The following RAP1GDS1 variants were observed in gnomAD, a reference collection of about 807,000 sequenced individuals.
RAP1GDS1 encodes RAP1, GTP-GDP dissociation stimulator 1.
RAP1GDS1 carries 35 observed loss-of-function variants against 71.1 expected under a neutral mutation model. That is an observed-to-expected ratio of 0.49 (90% confidence interval 0.38 to 0.65). The LOEUF is 0.65. RAP1GDS1 is among the 30% of genes least tolerant of loss of function. RAP1GDS1 has a pLI of 0.00. For missense variants in RAP1GDS1, 663 were observed against 706.1 expected (o/e 0.94, Z 0.69); for synonymous variants, 229 against 243.1 (o/e 0.94, Z 0.54).
At chr4:98,382,593 T>C (rs1742172458) in intron 5 of RAP1GDS1, among the ~76,000 whole-genome samples, 1 of 151,636 alleles carries the variant, frequency 6.6e-6, no homozygotes, top group Admixed American at 6.6e-5. Flanking sequence ...CATTAGTTTG[T>C]TATCTGTTTC....
intron 2 of RAP1GDS1, among the ~76,000 whole-genome samples, chr4:98,301,594 C>T (rs1728594385): frequency 6.6e-6 from 1 of 152,090 alleles, no homozygotes; most frequent in Non-Finnish European, 1.5e-5. Flanking sequence ...GAGACCACTG[C>T]AGGGAGAGTT....
chr4:98,274,435 TG>T (rs1352334441), intron 1 of RAP1GDS1, among the ~76,000 whole-genome samples: 1 of 152,200 alleles, frequency 6.6e-6, no homozygotes. Context: ...GATAAATTAA[TG>T]TTTTCCCTAC....
chr4:98,420,001 GTCTC>G lies in RAP1GDS1; in HGVS notation c.1175-14_1175-11del, dbSNP rs755900828. ...GAATGCTAATACCATTTTAACCATAGTCTCTCTTTTTCTCCAGTTATAAATAAAG... is the reference window on the plus strand; with the variant it reads ...GAATGCTAATACCATTTTAACCATAGTCTTTTTCTCCAGTTATAAATAAAG... On this transcript the variant is annotated splice_polypyrimidine_tract_variant and intron_variant, in intron 10 of 14. Transcript: ENST00000408927. 6.3e-7 allele frequency: 1 copy of G among 1,578,022 alleles called. No homozygotes were observed. Among genetic ancestry groups the G allele is most frequent in the Non-Finnish European group, 8.6e-7 (1 of 1,161,010 alleles).
chr4:98,365,341 A>G (rs1038324490), intron 4 of RAP1GDS1, among the ~76,000 whole-genome samples: 1 of 151,868 alleles, frequency 6.6e-6, no homozygotes, highest in Non-Finnish European at 1.5e-5. Context: ...TGAGCCAGGC[A>G]TCATGGCTCA....
At chr4:98,376,275 T>A (rs983621967) in intron 4 of RAP1GDS1, among the ~76,000 whole-genome samples, 1 of 152,084 alleles carries the variant, frequency 6.6e-6, no homozygotes, top group Non-Finnish European at 1.5e-5. Flanking sequence ...CTGTTACTTA[T>A]GAGAAGAGTG....
chr4:98,379,944 G>A (rs1741739332), intron 5 of RAP1GDS1, among the ~76,000 whole-genome samples: 1 of 151,798 alleles, frequency 6.6e-6, no homozygotes, highest in South Asian at 2.1e-4. Flanking sequence ...TTTTGGCAGA[G>A]ACATTTTATT....
At chr4:98,440,336 A>G (rs1751708982) in intron 14 of RAP1GDS1, among the ~76,000 whole-genome samples, 2 of 152,048 alleles carry the variant, frequency 1.3e-5, no homozygotes, top group Non-Finnish European at 2.9e-5. Flanking sequence ...ATTATTTTTG[A>G]TATATACTCA....
chr4:98,268,099 A>G lies in RAP1GDS1; in HGVS notation c.4+6530A>G, dbSNP rs760716063. On this transcript the variant is annotated intron_variant, in intron 1 of 14. Coordinates refer to ENST00000408927, the MANE Select transcript of RAP1GDS1 (RefSeq NM_001100427.2). The stretch of plus-strand genomic sequence containing the variant: ...TTGTGGTTTGATTTGCAGTCTCATC[A>G]CATTAAGAGGATCATACGTCATGAT... Among the ~76,000 whole-genome samples, 11 of 152,260 alleles carry G rather than the reference A, an allele frequency of 7.2e-5. No individual in the cohort carries two copies. In the South Asian group the frequency reaches 1.2e-3, roughly 17 times the overall value.
chr4:98,394,505 G>A (rs956403060), intron 6 of RAP1GDS1, among the ~76,000 whole-genome samples: 8 of 152,010 alleles, frequency 5.3e-5, no homozygotes, highest in African/African-American at 1.9e-4. Context: ...ATGTTTTACA[G>A]TAAAAGAAGA....
intron 8 of RAP1GDS1, 76 bp downstream of exon 8, chr4:98,416,964 C>T: frequency 1.4e-6 from 2 of 1,465,090 alleles, no homozygotes; most frequent in South Asian, 2.6e-5. Context: ...TCTGTAAATA[C>T]TACCCTAGAC....
intron 2 of RAP1GDS1, among the ~76,000 whole-genome samples, chr4:98,327,034 C>G (rs1733219654): frequency 6.6e-6 from 1 of 152,186 alleles, no homozygotes; most frequent in Non-Finnish European, 1.5e-5. Flanking sequence ...GCTCATTCTA[C>G]TTCCAGACTT....
At chr4:98,423,535 G>A (rs1185717514) in intron 12 of RAP1GDS1, among the ~76,000 whole-genome samples, 1 of 151,870 alleles carries the variant, frequency 6.6e-6, no homozygotes, top group African/African-American at 2.4e-5. Flanking sequence ...TTTATTTTTT[G>A]TTTTTTTGTT....
chr4:98,283,984 T>C (rs1725606768), intron 1 of RAP1GDS1, among the ~76,000 whole-genome samples: 1 of 152,112 alleles, frequency 6.6e-6, no homozygotes, highest in Admixed American at 6.6e-5. Flanking sequence ...GCACAATATC[T>C]GTGTAACTTT....
At chr4:98,297,964 C>T (rs1728027543) in intron 2 of RAP1GDS1, among the ~76,000 whole-genome samples, 1 of 152,150 alleles carries the variant, frequency 6.6e-6, no homozygotes, top group Non-Finnish European at 1.5e-5. Flanking sequence ...AAGTTCTACT[C>T]CACTGAAAAC....
intron 14 of RAP1GDS1, among the ~76,000 whole-genome samples, chr4:98,440,413 A>C (rs938568590): frequency 6.6e-6 from 1 of 152,158 alleles, no homozygotes; most frequent in Non-Finnish European, 1.5e-5. Flanking sequence ...TGTTTTTACT[A>C]ATTAAATACT....
rs1301310585 is a variant in RAP1GDS1 at position 98,406,326 on chromosome 4, TA to T, written c.763+1728del. ...AGCAATACTTATTAAATATGAGATTTAAAAGATTGAGAATAATAGGGTAGAA... is the reference window on the plus strand; with the variant it reads ...AGCAATACTTATTAAATATGAGATTTAAAGATTGAGAATAATAGGGTAGAA... On this transcript the variant is annotated intron_variant, in intron 7 of 14. Transcript: ENST00000408927. Among the ~76,000 whole-genome samples, 3 of 151,924 alleles carry T rather than the reference TA, an allele frequency of 2.0e-5. No individual in the cohort carries two copies. The South Asian group carries it at 6.2e-4, about 32-fold the overall frequency.
chr4:98,268,150 A>C (rs1305757045), intron 1 of RAP1GDS1, among the ~76,000 whole-genome samples: 2 of 152,196 alleles, frequency 1.3e-5, no homozygotes, highest in African/African-American at 4.8e-5. Context: ...CCTGGGATGC[A>C]AGAATGGTTG....
At chr4:98,371,206 G>T (rs566117804) in intron 4 of RAP1GDS1, among the ~76,000 whole-genome samples, 1 of 149,304 alleles carries the variant, frequency 6.7e-6, no homozygotes, top group Non-Finnish European at 1.5e-5. Flanking sequence ...TTCATCTCCC[G>T]GGTTCAAGTG....
At chr4:98,326,935 G>C (rs550605756) in intron 2 of RAP1GDS1, among the ~76,000 whole-genome samples, 1 of 152,218 alleles carries the variant, frequency 6.6e-6, no homozygotes, top group South Asian at 2.1e-4. Flanking sequence ...ATACAAGCTA[G>C]TCTGATGACA....
Sources: gnomAD v4.1 joint callset for allele counts (sites outside exome capture counted in the v4.1 genomes callset) on GRCh38, gnomAD v4.1.1 for gene constraint, MANE v1.5 for transcripts, NCBI Gene and HGNC (gene_info 2026-07-23, HGNC 2026-07-21) for gene names.